CHRND: variants seen among roughly 807,000 people sequenced by gnomAD.
The protein encoded by CHRND is cholinergic receptor nicotinic delta subunit, also known as acetylcholine receptor subunit delta.
A neutral mutation model predicts 57.8 loss-of-function variants in CHRND; 40 were observed. That is an observed-to-expected ratio of 0.69 (90% CI 0.54 to 0.90). The LOEUF (loss-of-function observed/expected upper bound fraction) is 0.90. CHRND is among the 40% of genes least tolerant of loss of function. The pLI, the probability that CHRND is intolerant of heterozygous loss-of-function variation, is 0.00. For synonymous variants in CHRND, 237 were observed against 270.6 expected (o/e 0.88, Z 1.22); for missense variants, 634 against 673.9 (o/e 0.94, Z 0.66).
intron 3 of CHRND, 143 bp downstream of exon 3, chr2:232,527,588 CA>C: frequency 2.9e-6 from 2 of 684,534 alleles, no homozygotes; most frequent in Non-Finnish European, 5.2e-6. Context: ...ACTAAAAATA[CA>C]AAAAATTAGC....
intron 7 of CHRND, among the ~76,000 whole-genome samples, chr2:232,530,900 C>T (rs896667214): frequency 3.5e-4 from 53 of 152,138 alleles, no homozygotes; most frequent in African/African-American, 1.2e-3. Flanking sequence ...GGGCTGGGGT[C>T]TCTGAGTGAG....
At chr2:232,526,420 T>C (rs760750818) in intron 1 of CHRND, 109 bp from the exon 2 acceptor site, 24 of 1,565,838 alleles carry the variant, frequency 1.5e-5, no homozygotes, top group African/African-American at 2.7e-5. Flanking sequence ...AGTGGTTGGG[T>C]TCCCCCCTGC....
chr2:232,530,828 GC>G (rs919870245), intron 7 of CHRND, among the ~76,000 whole-genome samples: 3 of 152,170 alleles, frequency 2.0e-5, no homozygotes, highest in Non-Finnish European at 2.9e-5. Context: ...CAGCAGGGGA[GC>G]CCCCCTTCCC....
At chr2:232,531,794 C>A (rs1225736312) in intron 9 of CHRND, 138 bp downstream of exon 9, 6 of 722,890 alleles carry the variant, frequency 8.3e-6, no homozygotes, top group Admixed American at 6.3e-5. Context: ...TATAAACAAT[C>A]AAAAAAATTA....
intron 3 of CHRND, among the ~76,000 whole-genome samples, chr2:232,527,986 G>C (rs1299961989): frequency 1.3e-5 from 2 of 152,210 alleles, no homozygotes; most frequent in South Asian, 2.1e-4. Flanking sequence ...TTATCTTGAT[G>C]TTTATTAGAA....
rs794727630 is a variant in CHRND, at chr2:232,528,262, G to A, written c.244G>A (p.Gly82Ser). The A allele has an allele frequency of 2.5e-6, 4 of 1,614,004 alleles. No homozygotes were observed. The African/African-American group carries it at 5.3e-5, about 22-fold the overall frequency. ...TLTTNVWIEH[G>S]WTDNRLKWNA... Reference sequence around the variant, plus strand: ...TGGTGACATGCCTTTGGGATTCCAGGGCTGGACAGACAACCGGCTGAAGTG... The same window carrying A: ...TGGTGACATGCCTTTGGGATTCCAGAGCTGGACAGACAACCGGCTGAAGTG... The change falls in exon 4 of 12, where the codon GGC becomes AGC. Residue 82 changes from glycine (G) to serine (S), a missense_variant and splice_region_variant. Transcript: ENST00000258385.
rs1333500528 is a variant in CHRND at position 232,530,145 on chromosome 2, C to T, written c.820+6C>T. The T allele has an allele frequency of 6.2e-7, 1 of 1,613,756 alleles. No homozygotes were observed. Among genetic ancestry groups the T allele is most frequent in the Non-Finnish European group, 8.5e-7 (1 of 1,179,836 alleles). On this transcript the variant is annotated splice_donor_region_variant and intron_variant, in intron 7 of 11. Coordinates refer to ENST00000258385, the MANE Select transcript of CHRND (RefSeq NM_000751.3). ...CTTCTACCTACCGGCTGACAGTGAG[C>T]CTCCAGGCCCCGTCCCCTGCTCCCC... is the stretch of plus-strand genomic sequence containing the variant.
chr2:232,533,859 G>A (rs911436703), intron 9 of CHRND, 72 bp from the exon 10 acceptor site: 94 of 1,482,966 alleles, frequency 6.3e-5, no homozygotes, highest in Non-Finnish European at 7.8e-5. Context: ...CCTGGTGACA[G>A]AATGAGACTC....
chr2:232,528,735 A>G (rs1691575961), intron 5 of CHRND, 79 bp downstream of exon 5: 1 of 1,604,986 alleles, frequency 6.2e-7, no homozygotes, highest in Non-Finnish European at 8.5e-7. Flanking sequence ...GCACCCTCAG[A>G]CAGAGGCCCC....
At chr2:232,531,086 A>G (rs1294459515) in intron 7 of CHRND, among the ~76,000 whole-genome samples, 2 of 152,108 alleles carry the variant, frequency 1.3e-5, no homozygotes, top group African/African-American at 4.8e-5. Context: ...TGTTAAACAC[A>G]CTCTGTCACC....
intron 6 of CHRND, among the ~76,000 whole-genome samples, chr2:232,529,405 G>A (rs377470624): frequency 2.0e-5 from 3 of 151,970 alleles, no homozygotes; most frequent in Non-Finnish European, 4.4e-5. Context: ...ACCCAGGCTC[G>A]GATCCTCCAT....
In CHRND at chr2:232,534,146, G is replaced by A. The variant is rs780983567; in HGVS notation, c.1252+11G>A. 10 of 1,613,938 alleles carry A rather than the reference G, an allele frequency of 6.2e-6. No homozygotes were observed. The highest frequency in any genetic ancestry group is 2.2e-5 in the East Asian group (1 of 44,890). ...GCCTCACCACTGCACGTGGGTCCCC[G>A]CTGGTCTTGGTTTTCAGCCCATCTG... On this transcript the variant is annotated intron_variant, in intron 10 of 11. Coordinates refer to ENST00000258385, the MANE Select transcript of CHRND (RefSeq NM_000751.3).
Position 232,535,230 on chromosome 2 carries a change from A to G in CHRND, c.1472A>G (p.Gln491Arg). The change falls in exon 12 of 12, where the codon CAG becomes CGG. Residue 491 changes from glutamine to arginine, a missense_variant. Gln to Arg is a conservative substitution (Grantham distance 43). Coordinates refer to ENST00000258385, the MANE Select transcript of CHRND (RefSeq NM_000751.3). ...GTGGGCACAGCCTGGATCTTCCTGC[A>G]GGGCGTTTACAACCAGCCACCACCC... The part of the protein sequence containing the change: ...MVVGTAWIFL[Q>R]GVYNQPPPQP... 1 of 1,614,222 alleles carries G rather than the reference A, an allele frequency of 6.2e-7. No individual in the cohort carries two copies. Among genetic ancestry groups the G allele is most frequent in the Non-Finnish European group, 8.5e-7 (1 of 1,180,038 alleles).
rs1691815117 is a variant in CHRND at position 232,534,343 on chromosome 2, G to T, written c.1371+1G>T. ...GAGGGACCAGAACAATTACAATGAG[G>T]TAAGGGACCACAGGATTGCCATGTA... On this transcript the variant is annotated splice_donor_variant, in intron 11 of 11. Transcript: ENST00000258385. LOFTEE classifies it high-confidence loss of function. 1 of 1,613,516 alleles carries T rather than the reference G, an allele frequency of 6.2e-7. No individual in the cohort carries two copies. Among genetic ancestry groups the T allele is most frequent in the Admixed American group, 1.7e-5 (1 of 60,030 alleles).
chr2:232,534,100 A>C lies in CHRND; in HGVS notation c.1217A>C (p.Glu406Ala). Residue 406 changes from glutamate to alanine, a missense_variant, in exon 10 of 12, where the codon GAG (glutamate) becomes GCG (alanine). Coordinates refer to ENST00000258385, the MANE Select transcript of CHRND (RefSeq NM_000751.3). ...GACCTCATGTTCGAGAAGCAGTCAG[A>C]GCGGCATGGGCTGGCCAGGCGCCTC... ...RSDLMFEKQS[E>A]RHGLARRLTT... 1 of 1,614,134 alleles carries C rather than the reference A, an allele frequency of 6.2e-7. No homozygotes were observed. The highest frequency in any genetic ancestry group is 1.1e-5 in the South Asian group (1 of 91,092).
chr2:232,528,893 C>T lies in CHRND; in HGVS notation c.541C>T (p.Leu181=). 3 of 1,614,148 alleles carry T rather than the reference C, an allele frequency of 1.9e-6. No homozygotes were observed. The highest frequency in any genetic ancestry group is 2.5e-6 in the Non-Finnish European group (3 of 1,180,014). The change falls in exon 6 of 12, where the codon CTG becomes TTG. Residue 181 remains leucine (L), a synonymous_variant. Transcript: ENST00000258385. ...SLKYTAKEIT[L]SLKQDAKENR... ...CAAGTATACGGCCAAAGAGATCACCCTGAGCCTGAAACAGGATGCCAAGGA... is the reference window on the plus strand; with the variant it reads ...CAAGTATACGGCCAAAGAGATCACCTTGAGCCTGAAACAGGATGCCAAGGA...
At chr2:232,528,818 C>T in intron 5 of CHRND, 44 bp from the exon 6 acceptor site, 1 of 1,585,822 alleles carries the variant, frequency 6.3e-7, no homozygotes, top group African/African-American at 1.3e-5. Flanking sequence ...TCTGTGGCCC[C>T]AGCCACTGGC....
Position 232,528,618 on chromosome 2 carries a change from T to C in CHRND, c.471T>C (p.Tyr157=). ...CCTCCTGCCCCATCTCTGTCACCTATTTCCCCTTCGACTGGCAGAACTGCT... is the reference window on the plus strand; with the variant it reads ...CCTCCTGCCCCATCTCTGTCACCTACTTCCCCTTCGACTGGCAGAACTGCT... ...FRSSCPISVT[Y]FPFDWQNCSL... The change falls in exon 5 of 12, where the codon TAT becomes TAC. Residue 157 remains tyrosine (Y), a synonymous_variant. Coordinates refer to ENST00000258385, the MANE Select transcript of CHRND (RefSeq NM_000751.3). The C allele has an allele frequency of 1.9e-6, 3 of 1,614,132 alleles. No individual in the cohort carries two copies. The South Asian group carries it at 3.3e-5, about 18-fold the overall frequency.
In CHRND at chr2:232,531,566, G is replaced by A. The variant is rs1691699126; in HGVS notation, c.957G>A (p.Leu319=). ...GGTTCCTGCTCTTCGGCATGGTGCT[G>A]GTCACCATGGTTGTGGTGATCTGTG... is the stretch of plus-strand genomic sequence containing the variant. ...IGKFLLFGMV[L]VTMVVVICVI... is the part of the protein sequence containing the mutation. Residue 319 remains leucine, a synonymous_variant, in exon 9 of 12, where the codon CTG becomes CTA. Transcript: ENST00000258385. 1 of 1,613,932 alleles carries A rather than the reference G, an allele frequency of 6.2e-7. No individual in the cohort carries two copies. The highest frequency in any genetic ancestry group is 8.5e-7 in the Non-Finnish European group (1 of 1,180,010).
Sources: allele counts gnomAD v4.1 joint callset (sites outside exome capture counted in the v4.1 genomes callset), GRCh38; gene constraint gnomAD v4.1.1; transcripts MANE v1.5; gene names NCBI Gene and HGNC (gene_info 2026-07-23, HGNC 2026-07-21).